RFTN1: variants seen among roughly 807,000 people sequenced by gnomAD.
RFTN1 encodes the protein raftlin, lipid raft linker 1, also known as raftlin.
RFTN1 carries 26 observed loss-of-function variants against 46.5 expected under a neutral mutation model. That is an observed-to-expected ratio of 0.56 (90% confidence interval 0.41 to 0.78). The LOEUF (loss-of-function observed/expected upper bound fraction) is 0.78. Among genes scored for constraint, RFTN1 ranks in the 30% least tolerant of loss-of-function variants. RFTN1 has a pLI of 0.00. For missense variants in RFTN1, 693 were observed against 718.7 expected, an observed-to-expected ratio of 0.96 and a Z score of 0.41; for synonymous variants, 261 against 284.2, an observed-to-expected ratio of 0.92 and a Z score of 0.82.
At position 16,398,298 on chromosome 3, in the gene RFTN1, G is replaced by GCTTA. The variant is rs369248234; in HGVS notation, c.441+11073_441+11076dup. ...AGAAGCATCATGACTCTCCAAGAGG[G>GCTTA]CTTACTTACAACGTGTGTGCCTCTG... On this transcript the variant is annotated intron_variant, in intron 4 of 9. Coordinates refer to ENST00000334133, the MANE Select transcript of RFTN1 (RefSeq NM_015150.2). Among the ~76,000 whole-genome samples, 236 of 150,416 alleles carry GCTTA rather than the reference G, an allele frequency of 1.6e-3. 1 individual carries two copies. Among genetic ancestry groups the GCTTA allele is most frequent in the African/African-American group, 5.6e-3 (230 of 40,950 alleles).
Position 16,496,823 on chromosome 3 carries a change from C to T in RFTN1, c.-8-2946G>A, listed in dbSNP as rs574424965. ...CATACCAGCCCCATCCTGGAAACCG[C>T]CCAAACACCTTCCAGGAGAATAGAT... On this transcript the variant is annotated intron_variant, in intron 1 of 9. Coordinates refer to ENST00000334133, the MANE Select transcript of RFTN1 (RefSeq NM_015150.2). Among the ~76,000 whole-genome samples, 4 of 152,218 alleles carry T rather than the reference C, an allele frequency of 2.6e-5. No individual in the cohort carries two copies. The South Asian group carries it at 8.3e-4, about 32-fold the overall frequency.
intron 2 of RFTN1, among the ~76,000 whole-genome samples, chr3:16,476,606 A>G (rs577581548): frequency 4.6e-5 from 7 of 152,246 alleles, no homozygotes; most frequent in African/African-American, 1.7e-4. Context: ...GGGAGGGAAG[A>G]GTGAATGAAC....
In RFTN1 at chr3:16,479,913, A is replaced by T; in HGVS notation, c.145+13812T>A. On this transcript the variant is annotated intron_variant, in intron 2 of 9. Coordinates refer to ENST00000334133, the MANE Select transcript of RFTN1 (RefSeq NM_015150.2). This position sits in a 1 kb window ranked among gnomAD's most constrained non-coding sequence, Gnocchi z 5.1. ...ATGGCAGATGCTTCTCCAAGATAAC[A>T]CACAGACTCTATTAGGGCTATACCC... is the stretch of plus-strand genomic sequence containing the variant. 6.6e-6 allele frequency among the ~76,000 whole-genome samples: 1 copy of T among 152,226 alleles called. No homozygotes were observed. Among genetic ancestry groups the T allele is most frequent in the African/African-American group, 2.4e-5 (1 of 41,458 alleles).
chr3:16,436,498 C>T (rs1166545821), intron 2 of RFTN1, among the ~76,000 whole-genome samples: 1 of 151,990 alleles, frequency 6.6e-6, no homozygotes, highest in Admixed American at 6.6e-5. Flanking sequence ...CTGAATTTAC[C>T]AATCTTGCTT....
In RFTN1 at chr3:16,473,860, C is replaced by T. The variant is rs967934881; in HGVS notation, c.145+19865G>A. Reference sequence around the variant, plus strand: ...CCTAGAAGCACGAAACCTACCTCTCCGGGCTGCCCTCGCCCTTGTGAACAC... The same window carrying T: ...CCTAGAAGCACGAAACCTACCTCTCTGGGCTGCCCTCGCCCTTGTGAACAC... On this transcript the variant is annotated intron_variant, in intron 2 of 9. Coordinates refer to ENST00000334133, the MANE Select transcript of RFTN1 (RefSeq NM_015150.2). This position sits in a 1 kb window ranked among gnomAD's most constrained non-coding sequence, Gnocchi z 5.3. Among the ~76,000 whole-genome samples, 2 of 152,190 alleles carry T rather than the reference C, an allele frequency of 1.3e-5. No homozygotes were observed. Among genetic ancestry groups the T allele is most frequent in the Admixed American group, 6.5e-5 (1 of 15,274 alleles).
rs1014143194 is a variant in RFTN1, at chr3:16,345,591, A to G, written c.1146+12341T>C. Among the ~76,000 whole-genome samples, 2 of 152,090 alleles carry G rather than the reference A, an allele frequency of 1.3e-5. No individual in the cohort carries two copies. Among genetic ancestry groups the G allele is most frequent in the African/African-American group, 2.4e-5 (1 of 41,404 alleles). ...ATTAACACCGCCTGACTGCTTGAAC[A>G]GGAACGTCCATCTTCTGCCCTTGTT... is the stretch of plus-strand genomic sequence containing the variant. On this transcript the variant is annotated intron_variant, in intron 7 of 9. Transcript: ENST00000334133. The surrounding 1 kb of genome is among the most constrained non-coding windows in gnomAD (Gnocchi z 5.2).
Position 16,422,805 on chromosome 3 carries a change from T to A in RFTN1, c.332+11046A>T, listed in dbSNP as rs917844378. Among the ~76,000 whole-genome samples the A allele has an allele frequency of 6.6e-6, 1 of 152,184 alleles. No homozygotes were observed. Among genetic ancestry groups the A allele is most frequent in the Non-Finnish European group, 1.5e-5 (1 of 68,036 alleles). On this transcript the variant is annotated intron_variant, in intron 3 of 9. Coordinates refer to ENST00000334133, the MANE Select transcript of RFTN1 (RefSeq NM_015150.2). This position sits in a 1 kb window ranked among gnomAD's most constrained non-coding sequence, Gnocchi z 4.6. Reference sequence around the variant, plus strand: ...CTAACTATAATAAAGGTGGCATTTATTCAATGGCAAAGTTAGGTTAACTTA... The same window carrying A: ...CTAACTATAATAAAGGTGGCATTTAATCAATGGCAAAGTTAGGTTAACTTA...
rs1244311331 is a variant in RFTN1 at position 16,353,012 on chromosome 3, A to T, written c.1146+4920T>A. Among the ~76,000 whole-genome samples the T allele has an allele frequency of 6.6e-6, 1 of 152,146 alleles. No homozygotes were observed. Among genetic ancestry groups the T allele is most frequent in the Admixed American group, 6.5e-5 (1 of 15,274 alleles). ...AGACAGGGTGGAATTGGAATGGCAC[A>T]TCTACACAGAGCTGAGGGATCAGCA... is the stretch of plus-strand genomic sequence containing the variant. On this transcript the variant is annotated intron_variant, in intron 7 of 9. Coordinates refer to ENST00000334133, the MANE Select transcript of RFTN1 (RefSeq NM_015150.2). This position sits in a 1 kb window ranked among gnomAD's most constrained non-coding sequence, Gnocchi z 5.4.
At chr3:16,369,278 C>T (rs1005877935) in intron 6 of RFTN1, among the ~76,000 whole-genome samples, 11 of 152,232 alleles carry the variant, frequency 7.2e-5, no homozygotes, top group Non-Finnish European at 1.0e-4. Context: ...CAACACACGG[C>T]GCTGTTGATG....
rs1164491023 is a variant in RFTN1 at position 16,465,430 on chromosome 3, A to G, written c.145+28295T>C. 6.8e-6 allele frequency among the ~76,000 whole-genome samples: 1 copy of G among 148,022 alleles called. No homozygotes were observed. The highest frequency in any genetic ancestry group is 2.5e-5 in the African/African-American group (1 of 40,786). ...TGGCAGCTCAGAGGGACACACACAC[A>G]CACACACACACACACACACACACAC... On this transcript the variant is annotated intron_variant, in intron 2 of 9. Coordinates refer to ENST00000334133, the MANE Select transcript of RFTN1 (RefSeq NM_015150.2). The surrounding 1 kb of genome is among the most constrained non-coding windows in gnomAD (Gnocchi z 5.1).
chr3:16,494,896 G>T (rs2076600218), intron 1 of RFTN1, among the ~76,000 whole-genome samples: 1 of 152,170 alleles, frequency 6.6e-6, no homozygotes, highest in African/African-American at 2.4e-5. Flanking sequence ...GAAACCCAGT[G>T]ACCGCTTCCT....
intron 4 of RFTN1, among the ~76,000 whole-genome samples, chr3:16,391,882 GTTTTTTT>G (rs1295347779): frequency 1.7e-4 from 4 of 23,446 alleles, no homozygotes; most frequent in Admixed American, 5.4e-4. Flanking sequence ...TTTTTTTTTT[GTTTTTTT>G]TTTTGTTTTT....
Position 16,387,570 on chromosome 3 carries a change from T to TTCTCTCTCTCTCTCTCTCTCTCTCTCTC in RFTN1, c.442-9496_442-9469dup, listed in dbSNP as rs3054539. Among the ~76,000 whole-genome samples the TTCTCTCTCTCTCTCTCTCTCTCTCTCTC allele has an allele frequency of 3.5e-4, 41 of 116,500 alleles. 2 individuals are homozygous for TTCTCTCTCTCTCTCTCTCTCTCTCTCTC. The highest frequency in any genetic ancestry group is 7.4e-4 in the African/African-American group (19 of 25,616). The allele number at this position is 116,500 out of a possible 152,430, so 76.4% of individuals were successfully genotyped here. The stretch of plus-strand genomic sequence containing the variant: ...CACTTCTCTCTTCTATATCCTCAAT[T>TTCTCTCTCTCTCTCTCTCTCTCTCTCTC]TCTCTCTCTCTCTCTCTCTCTCTCT... On this transcript the variant is annotated intron_variant, in intron 4 of 9. Transcript: ENST00000334133. This position sits in a 1 kb window ranked among gnomAD's most constrained non-coding sequence, Gnocchi z 5.2.
rs945587798 is a variant in RFTN1, at chr3:16,509,254, G to A, written c.-9+4188C>T. On this transcript the variant is annotated intron_variant, in intron 1 of 9. Coordinates refer to ENST00000334133, the MANE Select transcript of RFTN1 (RefSeq NM_015150.2). The surrounding 1 kb of genome is among the most constrained non-coding windows in gnomAD (Gnocchi z 4.9). ...ATTGCAGTGTATCATTTCCTGTAAC[G>A]CTGTTCTGATTATCTAATTTACATT... Among the ~76,000 whole-genome samples the A allele has an allele frequency of 3.9e-5, 6 of 151,952 alleles. No homozygotes were observed. The highest frequency in any genetic ancestry group is 8.8e-5 in the Non-Finnish European group (6 of 68,004).
In RFTN1 at chr3:16,352,885, C is replaced by T. The variant is rs1052070861; in HGVS notation, c.1146+5047G>A. 6.6e-6 allele frequency among the ~76,000 whole-genome samples: 1 copy of T among 152,234 alleles called. No individual in the cohort carries two copies. Among genetic ancestry groups the T allele is most frequent in the Non-Finnish European group, 1.5e-5 (1 of 68,054 alleles). On this transcript the variant is annotated intron_variant, in intron 7 of 9. Transcript: ENST00000334133. This position sits in a 1 kb window ranked among gnomAD's most constrained non-coding sequence, Gnocchi z 4.6. ...GAATCAGAGAGGCAGGATGCACACT[C>T]AGGCCAGACTCTGGAATCTCCGCTG...
intron 4 of RFTN1, 22 bp from the exon 5 acceptor site, chr3:16,378,124 G>C: frequency 6.3e-7 from 1 of 1,594,848 alleles, no homozygotes; most frequent in Middle Eastern, 1.7e-4. Flanking sequence ...ACAAAAGGAA[G>C]GGAAACAAGT....
intron 3 of RFTN1, among the ~76,000 whole-genome samples, chr3:16,431,693 A>G (rs1462230233): frequency 6.6e-6 from 1 of 152,228 alleles, no homozygotes; most frequent in Non-Finnish European, 1.5e-5. Context: ...TGGATGCCTT[A>G]TAGAATCCAT....
At position 16,425,406 on chromosome 3, in the gene RFTN1, T is replaced by C. The variant is rs2075269553; in HGVS notation, c.332+8445A>G. On this transcript the variant is annotated intron_variant, in intron 3 of 9. Coordinates refer to ENST00000334133, the MANE Select transcript of RFTN1 (RefSeq NM_015150.2). This position sits in a 1 kb window ranked among gnomAD's most constrained non-coding sequence, Gnocchi z 4.3. ...GGTACCTGCTCACTGTTCTCTGTCA[T>C]TTCAAAATAGTTCTGGGGAGAGGGT... Among the ~76,000 whole-genome samples the C allele has an allele frequency of 6.6e-6, 1 of 152,208 alleles. No individual in the cohort carries two copies. Among genetic ancestry groups the C allele is most frequent in the South Asian group, 2.1e-4 (1 of 4,826 alleles).
intron 1 of RFTN1, among the ~76,000 whole-genome samples, chr3:16,510,879 G>C (rs2076888949): frequency 6.6e-6 from 1 of 152,218 alleles, no homozygotes; most frequent in Admixed American, 6.5e-5. Context: ...GAAACTAGAA[G>C]AAAGAAACTA....
Sources: gnomAD v4.1 joint callset for allele counts (sites outside exome capture counted in the v4.1 genomes callset) on GRCh38, gnomAD v4.1.1 for gene constraint, Gnocchi (gnomAD v3.1) non-coding constraint, MANE v1.5 for transcripts, NCBI Gene and HGNC (gene_info 2026-07-23, HGNC 2026-07-21) for gene names.